The following C9 variants were observed in gnomAD, a reference collection of about 807,000 sequenced individuals.
C9 encodes complement C9.
Under a neutral mutation model 65.4 loss-of-function variants are expected in C9, and 63 were observed. That is an observed-to-expected ratio of 0.96 (90% CI 0.79 to 1.19). The LOEUF (loss-of-function observed/expected upper bound fraction) is 1.19, where lower values mean the gene tolerates loss of function less well. C9 is among the 50% of genes most tolerant of loss of function. The probability of loss-of-function intolerance (pLI) is 0.00; values close to 1 mark genes in which losing one functional copy is unlikely to be tolerated. For synonymous variants in C9, 229 were observed against 227.9 expected (o/e 1.00, Z -0.04); for missense variants, 744 against 670.1 (o/e 1.11, Z -1.22).
At chr5:39,342,617 C>T (rs1226969341) in intron 1 of C9, among the ~76,000 whole-genome samples, 1 of 152,036 alleles carries the variant, frequency 6.6e-6, no homozygotes, top group East Asian at 1.9e-4. Context: ...TCTGGTGAGG[C>T]TAAGTTACCT....
chr5:39,333,735 C>T (rs1438455708), intron 4 of C9, among the ~76,000 whole-genome samples: 2 of 152,146 alleles, frequency 1.3e-5, no homozygotes, highest in South Asian at 2.1e-4. Context: ...CCTCAGCCTG[C>T]CGAGTGCCTG....
chr5:39,351,856 G>T (rs767593053), intron 1 of C9, among the ~76,000 whole-genome samples: 8 of 152,012 alleles, frequency 5.3e-5, no homozygotes, highest in Non-Finnish European at 8.8e-5. Flanking sequence ...TCCAACCTCT[G>T]CCTGTTACCC....
At position 39,315,993 on chromosome 5, in the gene C9, C is replaced by A. The variant is rs148389506; in HGVS notation, c.652G>T (p.Glu218Ter). ...CTTTTAAATGCTTCAATTTGTTCTTCGTAATGTTCGGTTCTGAAATTTTTC... is the reference window on the plus strand; with the variant it reads ...CTTTTAAATGCTTCAATTTGTTCTTAGTAATGTTCGGTTCTGAAATTTTTC... ...GEKNFRTEHY[E>*]EQIEAFKSII... The change falls in exon 6 of 11, where the codon GAA (glutamate) becomes TAA (stop). Residue 218 changes from glutamate to a stop codon, truncating the protein, a stop_gained. Transcript: ENST00000263408. LOFTEE classifies it high-confidence loss of function. The A allele has an allele frequency of 6.2e-7, 1 of 1,612,172 alleles. No individual in the cohort carries two copies. Among genetic ancestry groups the A allele is most frequent in the South Asian group, 1.1e-5 (1 of 90,854 alleles).
intron 5 of C9, among the ~76,000 whole-genome samples, chr5:39,331,218 TC>T (rs1753833267): frequency 6.6e-6 from 1 of 152,160 alleles, no homozygotes; most frequent in Non-Finnish European, 1.5e-5. Context: ...TAAATCATTT[TC>T]AAGAGGTAGA....
chr5:39,341,196 G>A lies in C9; in HGVS notation c.426C>T (p.Cys142=), dbSNP rs1313995487. Residue 142 remains cysteine (C), a synonymous_variant, in exon 4 of 11, where the codon TGC becomes TGT. Coordinates refer to ENST00000263408, the MANE Select transcript of C9 (RefSeq NM_001737.5). ...CAGACTCTTCTACCACTCTGTCTCTGCAGGGGGGACGGGGCTCACTTTCAC... is the reference window on the plus strand; with the variant it reads ...CAGACTCTTCTACCACTCTGTCTCTACAGGGGGGACGGGGCTCACTTTCAC... The part of the protein sequence containing the change: ...DDCESEPRPP[C]RDRVVEESEL... The A allele has an allele frequency of 6.2e-7, 1 of 1,614,144 alleles. No homozygotes were observed. Among genetic ancestry groups the A allele is most frequent in the Non-Finnish European group, 8.5e-7 (1 of 1,180,002 alleles).
At chr5:39,285,594 T>C (rs1433327001) in intron 10 of C9, among the ~76,000 whole-genome samples, 1 of 152,016 alleles carries the variant, frequency 6.6e-6, no homozygotes, top group Non-Finnish European at 1.5e-5. Context: ...GAATAACCAG[T>C]AGATTTTTTA....
At chr5:39,358,849 G>C (rs1754457179) in intron 1 of C9, among the ~76,000 whole-genome samples, 1 of 151,470 alleles carries the variant, frequency 6.6e-6, no homozygotes, top group African/African-American at 2.4e-5. Flanking sequence ...GCCGGGCGTG[G>C]TGGCGGGCGC....
At position 39,288,855 on chromosome 5, in the gene C9, A is replaced by G. The variant is rs372013922; in HGVS notation, c.1513T>C (p.Phe505Leu). 24 of 1,610,998 alleles carry G rather than the reference A, an allele frequency of 1.5e-5. No individual in the cohort carries two copies. Among genetic ancestry groups the G allele is most frequent in the Non-Finnish European group, 1.7e-5 (20 of 1,177,748 alleles). ...ERAIEDYINE[F>L]SVRKCHTCQN... Reference sequence around the variant, plus strand: ...CATGTGTGGCATTTTCTTACACTAAATTCATTGATATAGTCTTCAATGGCT... The same window carrying G: ...CATGTGTGGCATTTTCTTACACTAAGTTCATTGATATAGTCTTCAATGGCT... Residue 505 changes from phenylalanine to leucine, a missense_variant, in exon 10 of 11, where the codon TTT becomes CTT. Transcript: ENST00000263408.
intron 9 of C9, among the ~76,000 whole-genome samples, chr5:39,296,885 A>C (rs1753194178): frequency 6.6e-6 from 1 of 151,456 alleles, no homozygotes; most frequent in South Asian, 2.1e-4. Context: ...TAAAAAAAAA[A>C]CTGATCTCAT....
At chr5:39,354,811 A>G (rs72738461) in intron 1 of C9, among the ~76,000 whole-genome samples, 45,958 of 152,088 alleles carry the variant, frequency 0.3, 7,211 homozygotes, top group South Asian at 0.42. Flanking sequence ...TAAATATTTG[A>G]TGAATGAATA....
chr5:39,329,131 A>G (rs1236617017), intron 5 of C9, among the ~76,000 whole-genome samples: 1 of 152,280 alleles, frequency 6.6e-6, no homozygotes, highest in Non-Finnish European at 1.5e-5. Context: ...AAGAAAAGTA[A>G]GTAGAAAAGG....
At chr5:39,353,353 A>G (rs764273256) in intron 1 of C9, among the ~76,000 whole-genome samples, 8 of 152,240 alleles carry the variant, frequency 5.3e-5, no homozygotes, top group South Asian at 2.1e-4. Context: ...AGGAAACAAA[A>G]GCACAATGCC....
At chr5:39,360,408 A>G (rs1754494794) in intron 1 of C9, among the ~76,000 whole-genome samples, 1 of 152,178 alleles carries the variant, frequency 6.6e-6, no homozygotes, top group Non-Finnish European at 1.5e-5. Context: ...GTAACTAGTC[A>G]CTTTCAGGTC....
At chr5:39,289,870 T>C (rs1486695316) in intron 9 of C9, among the ~76,000 whole-genome samples, 1 of 151,892 alleles carries the variant, frequency 6.6e-6, no homozygotes, top group Non-Finnish European at 1.5e-5. Context: ...AAAAATTTCC[T>C]GAGCCCCATC....
chr5:39,340,292 C>T (rs1754050870), intron 4 of C9, among the ~76,000 whole-genome samples: 1 of 152,186 alleles, frequency 6.6e-6, no homozygotes, highest in Non-Finnish European at 1.5e-5. Flanking sequence ...TATACCATCT[C>T]TTTCAATATA....
intron 5 of C9, among the ~76,000 whole-genome samples, chr5:39,331,396 G>C (rs893659749): frequency 7.9e-5 from 12 of 152,066 alleles, no homozygotes; most frequent in African/African-American, 2.9e-4. Context: ...ACTTAAATCA[G>C]CACTGATTTA....
At chr5:39,287,350 CAAGTTAATTTTTGTATATGGT>C (rs907428629) in intron 10 of C9, among the ~76,000 whole-genome samples, 7 of 151,720 alleles carry the variant, frequency 4.6e-5, no homozygotes, top group South Asian at 2.1e-4. Flanking sequence ...TAATCTATCT[CAAGTTAATTTTTGTATATGGT>C]AAGAGAATAG....
At chr5:39,312,831 G>C (rs765674189) in intron 6 of C9, among the ~76,000 whole-genome samples, 64 of 152,128 alleles carry the variant, frequency 4.2e-4, no homozygotes, top group Non-Finnish European at 7.6e-4. Context: ...ATACCAAACT[G>C]TCTGTCTTCT....
chr5:39,323,773 C>A (rs535698686), intron 5 of C9, among the ~76,000 whole-genome samples: 32 of 151,894 alleles, frequency 2.1e-4, no homozygotes, highest in Middle Eastern at 6.8e-3. Context: ...ACAAGGATGC[C>A]CATTGTATCT....
Sources: allele counts gnomAD v4.1 joint callset (sites outside exome capture counted in the v4.1 genomes callset), GRCh38; gene constraint gnomAD v4.1.1; transcripts MANE v1.5; gene names NCBI Gene and HGNC (gene_info 2026-07-23, HGNC 2026-07-21).